ZNF705A: variants seen among roughly 807,000 people sequenced by gnomAD.
ZNF705A encodes zinc finger protein 705A.
A neutral mutation model predicts 16.6 loss-of-function variants in ZNF705A; 8 were observed. The ratio of observed to expected loss-of-function variants is 0.48; its 90% CI spans 0.28 to 0.87. The LOEUF (loss-of-function observed/expected upper bound fraction) is 0.87, where lower values mean the gene tolerates loss of function less well. Ranked by LOEUF, ZNF705A falls within the 40% of genes least tolerant of loss-of-function variation. The pLI is 0.10. For missense variants in ZNF705A, 233 were observed against 359.9 expected (o/e 0.65, Z 2.85); for synonymous variants, 73 against 117.3 (o/e 0.62, Z 2.44).
chr12:8,164,600 C>T (rs1303076306), intron 1 of ZNF705A, among the ~76,000 whole-genome samples: 1 of 152,132 alleles, frequency 6.6e-6, no homozygotes, highest in East Asian at 1.9e-4. Context: ...GTTTTCTGTT[C>T]GTGGGTTAGT....
exon 5 of ZNF705A, chr12:8,178,966 G>A (rs1948509727): frequency 6.6e-6 from 1 of 152,116 alleles, no homozygotes; most frequent in African/African-American, 2.4e-5. Flanking sequence ...CAACCCTCGA[G>A]TTGACACACC....
exon 5 of ZNF705A, chr12:8,178,964 G>A (rs996355369): frequency 6.6e-6 from 1 of 152,066 alleles, no homozygotes; most frequent in African/African-American, 2.4e-5. Flanking sequence ...TCCAACCCTC[G>A]AGTTGACACA....
intron 2 of ZNF705A, 47 bp downstream of exon 3, chr12:8,174,499 A>G (rs1348780253): frequency 1.3e-6 from 2 of 1,592,906 alleles, no homozygotes; most frequent in East Asian, 4.5e-5. Context: ...ACATTCGCTC[A>G]TTCATTCAAT....
At position 8,178,480 on chromosome 12, in the gene ZNF705A, G is replaced by A. The variant is rs535706815; in HGVS notation, c.*897G>A. On this transcript the variant is annotated 3_prime_UTR_variant, in exon 5 of 5. Transcript: ENST00000359286. ...GTTGACATTAAGTTTCTCACATTGA[G>A]GAGCTATCAAACTTGAAAATCACTG... 37 of 152,420 alleles carry A rather than the reference G, an allele frequency of 2.4e-4. 1 individual carries two copies. Among genetic ancestry groups the A allele is most frequent in the South Asian group, 1.0e-3 (5 of 4,832 alleles). 9.4% of individuals were successfully genotyped at this position (152,420 alleles called of 1,614,324 possible). A position where few individuals can be genotyped will look rare whatever the true frequency, so the allele number is the denominator to read the frequency against.
chr12:8,169,422 C>G, upstream of ZNF705A, among the ~76,000 whole-genome samples: 1 of 152,066 alleles, frequency 6.6e-6, no homozygotes, highest in Non-Finnish European at 1.5e-5. Flanking sequence ...ACAGGATTTT[C>G]CATTTATAGT....
chr12:8,179,589 C>T (rs1233503014), exon 5 of ZNF705A: 1 of 152,070 alleles, frequency 6.6e-6, no homozygotes, highest in Non-Finnish European at 1.5e-5. Flanking sequence ...TGGCCTTATC[C>T]GTGGTTGAAG....
At chr12:8,160,364 A>G (rs1948343575) in intron 1 of ZNF705A, among the ~76,000 whole-genome samples, 1 of 152,018 alleles carries the variant, frequency 6.6e-6, no homozygotes, top group African/African-American at 2.4e-5. Context: ...GTGGAGAATG[A>G]TGATGGTATT....
At chr12:8,173,413 C>T (rs4242879) in intron 1 of ZNF705A, among the ~76,000 whole-genome samples, 72,662 of 151,820 alleles carry the variant, frequency 0.48, 17,972 homozygotes, top group Non-Finnish European at 0.56. Flanking sequence ...ATGCTTTATA[C>T]GGGCTGGTTA....
intron 1 of ZNF705A, among the ~76,000 whole-genome samples, chr12:8,158,558 G>GT (rs1428737381): frequency 6.6e-6 from 1 of 151,764 alleles, no homozygotes; most frequent in African/African-American, 2.4e-5. Flanking sequence ...ATGGAAATTT[G>GT]TTTTTTTCCT....
At chr12:8,176,398 A>G (rs1228520684) in intron 4 of ZNF705A, among the ~76,000 whole-genome samples, 2 of 152,210 alleles carry the variant, frequency 1.3e-5, no homozygotes, top group East Asian at 3.8e-4. Flanking sequence ...AAGGCTCCAA[A>G]TTTAAAGGGG....
upstream of ZNF705A, among the ~76,000 whole-genome samples, chr12:8,170,210 A>AAG (rs1948435264): frequency 7.0e-6 from 1 of 141,852 alleles, no homozygotes; most frequent in Non-Finnish European, 1.5e-5. Context: ...AAAAAAAAGG[A>AAG]GAGAGAGACA....
chr12:8,178,106 T>C (rs2120737091), exon 5 of ZNF705A: 2 of 163,772 alleles, frequency 1.2e-5, no homozygotes, highest in South Asian at 3.1e-4. Context: ...TCAAATAACA[T>C]GAGAAAACTT....
chr12:8,167,362 CA>C (rs1389128562), intron 1 of ZNF705A, among the ~76,000 whole-genome samples: 1 of 152,132 alleles, frequency 6.6e-6, no homozygotes, highest in Admixed American at 6.5e-5. Flanking sequence ...CTCAAAAATC[CA>C]ATCAAACTGA....
chr12:8,160,549 G>C (rs913098221), intron 1 of ZNF705A, among the ~76,000 whole-genome samples: 13 of 143,806 alleles, frequency 9.0e-5, no homozygotes. Flanking sequence ...TCTTTGGTTA[G>C]GTATATTTCT....
At position 8,176,758 on chromosome 12, in the gene ZNF705A, G is replaced by A. The variant is rs758269572; in HGVS notation, c.319-241G>A. 3.7e-3 allele frequency among the ~76,000 whole-genome samples: 568 copies of A among 152,224 alleles called. 2 individuals carry two copies. The highest frequency in any genetic ancestry group is 0.012 in the South Asian group (58 of 4,826). On this transcript the variant is annotated intron_variant, in intron 4 of 4. Coordinates refer to ENST00000359286, the Ensembl canonical transcript of ZNF705A. ...GCGTGTAGCTTTTCATCTTGTAGCC[G>A]TATTATTTAGGAACCAGAAGGGGGA...
chr12:8,169,041 A>C (rs113269047), upstream of ZNF705A, among the ~76,000 whole-genome samples: 2 of 152,148 alleles, frequency 1.3e-5, no homozygotes, highest in Admixed American at 1.3e-4. Flanking sequence ...GTTTATTTAA[A>C]ATAGATTTCT....
At chr12:8,170,475 T>G, upstream of ZNF705A, among the ~76,000 whole-genome samples, 1 of 152,216 alleles carries the variant, frequency 6.6e-6, no homozygotes, top group Non-Finnish European at 1.5e-5. Flanking sequence ...ATGAAATAAG[T>G]ATGCTTTAAC....
At chr12:8,159,965 T>C (rs1404113471) in intron 1 of ZNF705A, among the ~76,000 whole-genome samples, 4 of 152,194 alleles carry the variant, frequency 2.6e-5, no homozygotes, top group Admixed American at 2.6e-4. Context: ...AGGTCTTAGG[T>C]TTAAGTCTGT....
At chr12:8,162,415 T>TTCCTAGGGCTGTTAG (rs1168924254) in intron 1 of ZNF705A, among the ~76,000 whole-genome samples, 1 of 152,126 alleles carries the variant, frequency 6.6e-6, no homozygotes, top group East Asian at 1.9e-4. Flanking sequence ...GAGGCCTCAT[T>TTCCTAGGGCTGTTAG]AACAGTAAAG....
Sources: allele counts gnomAD v4.1 joint callset (sites outside exome capture counted in the v4.1 genomes callset), GRCh38; gene constraint gnomAD v4.1.1; transcripts MANE v1.5; gene names NCBI Gene and HGNC (gene_info 2026-07-23, HGNC 2026-07-21).